Variants in NBAS observed in about 807,000 individuals in gnomAD.
The protein encoded by NBAS is NBAS subunit of NRZ tethering complex, also known as NAG/BC035112 fusion.
Under a neutral mutation model 302.5 loss-of-function variants are expected in NBAS, and 219 were observed. The ratio of observed to expected loss-of-function variants is 0.72; its 90% confidence interval spans 0.65 to 0.81. The LOEUF (loss-of-function observed/expected upper bound fraction) is 0.81, where lower values mean the gene tolerates loss of function less well. Ranked by LOEUF, NBAS falls within the 30% of genes least tolerant of loss-of-function variation. The pLI, the probability that NBAS is intolerant of heterozygous loss-of-function variation, is 0.00. For missense variants in NBAS, 2,932 were observed against 2,841.6 expected (o/e 1.03, Z -0.72); for synonymous variants, 1,118 against 1,021.6 (o/e 1.09, Z -1.80).
chr2:15,292,559 C>A lies in NBAS; in HGVS notation c.5005G>T (p.Glu1669Ter). The A allele has an allele frequency of 6.2e-7, 1 of 1,614,186 alleles. No individual in the cohort carries two copies. ...TACTCTGCCAGACCAAGGATAGTTT[C>A]CCTTTTATACTGGTCATCTGCAGTA... is the stretch of plus-strand genomic sequence containing the variant. ...RFTADDQYKR[E>*]TILGLAETLE... is the part of the protein sequence containing the mutation. Residue 1669 changes from glutamate to a stop codon, truncating the protein, a stop_gained, in exon 41 of 52, where the codon GAA (glutamate) becomes TAA (stop). Coordinates refer to ENST00000281513, the MANE Select transcript of NBAS (RefSeq NM_015909.4). LOFTEE classifies it high-confidence loss of function.
At chr2:15,255,349 C>T (rs1572536082) in intron 44 of NBAS, among the ~76,000 whole-genome samples, 1 of 151,948 alleles carries the variant, frequency 6.6e-6, no homozygotes, top group South Asian at 2.1e-4. Context: ...GTTTTTTGGC[C>T]ACTGGTGTAT....
chr2:15,506,775 AC>A (rs759273485), intron 10 of NBAS, among the ~76,000 whole-genome samples: 54 of 152,308 alleles, frequency 3.5e-4, no homozygotes, highest in African/African-American at 1.1e-3. Flanking sequence ...TATGTATGTG[AC>A]AATGCAGAAA....
At chr2:15,431,390 C>T (rs1402573904) in intron 21 of NBAS, among the ~76,000 whole-genome samples, 1 of 152,006 alleles carries the variant, frequency 6.6e-6, no homozygotes, top group Non-Finnish European at 1.5e-5. Flanking sequence ...ATAAAATCAC[C>T]GTAAGTTCTT....
At chr2:15,411,046 C>T (rs1209502563) in intron 25 of NBAS, among the ~76,000 whole-genome samples, 1 of 152,132 alleles carries the variant, frequency 6.6e-6, no homozygotes, top group Non-Finnish European at 1.5e-5. Context: ...GCTTCCTCCT[C>T]CTGTTCTTTT....
At chr2:14,835,758 G>T in the NBAS span, among the ~76,000 whole-genome samples, 1 of 151,886 alleles carries the variant, frequency 6.6e-6, no homozygotes, top group Admixed American at 6.6e-5. Context: ...CAAGTTTGGG[G>T]CCATTATGAA....
rs1436158591 is a variant in NBAS at position 15,275,790 on chromosome 2, T to A, written c.5418A>T (p.Glu1806Asp). The A allele has an allele frequency of 6.2e-7, 1 of 1,613,836 alleles. No homozygotes were observed. Among genetic ancestry groups the A allele is most frequent in the African/African-American group, 1.3e-5 (1 of 74,924 alleles). ...SGLNYKKLTDENMSPLEALEP... is the reference protein window; with the variant it reads ...SGLNYKKLTDDNMSPLEALEP... ...CCAATGCTTCAAGAGGACTCATGTT[T>A]TCATCTGTCAGCTTTTTGTAATTAA... is the stretch of plus-strand genomic sequence containing the variant. The change falls in exon 44 of 52, where the codon GAA becomes GAT. Residue 1806 changes from glutamate to aspartate, a missense_variant. Glu to Asp is a conservative substitution (Grantham distance 45). Coordinates refer to ENST00000281513, the MANE Select transcript of NBAS (RefSeq NM_015909.4).
At chr2:15,408,210 T>C (rs1676513829) in intron 25 of NBAS, among the ~76,000 whole-genome samples, 1 of 152,190 alleles carries the variant, frequency 6.6e-6, no homozygotes, top group Admixed American at 6.5e-5. Context: ...CCACATGTGC[T>C]ATACTTCAGA....
At chr2:15,160,844 C>G in the NBAS span, among the ~76,000 whole-genome samples, 4 of 152,188 alleles carry the variant, frequency 2.6e-5, no homozygotes, top group Admixed American at 6.5e-5. Flanking sequence ...TTTTTCTAAA[C>G]AGGAACATCC....
chr2:15,353,717 A>C lies in NBAS; in HGVS notation c.3932-7T>G, dbSNP rs759080835. On this transcript the variant is annotated splice_region_variant and splice_polypyrimidine_tract_variant and intron_variant, in intron 33 of 51. Coordinates refer to ENST00000281513, the MANE Select transcript of NBAS (RefSeq NM_015909.4). ...TCCCAACTTTTAGGATAACCTGCAA[A>C]ATTGGCAAGGAAAAAAATGATTCCC... 2 of 1,613,988 alleles carry C rather than the reference A, an allele frequency of 1.2e-6. No homozygotes were observed. The highest frequency in any genetic ancestry group is 2.2e-5 in the South Asian group (2 of 91,080).
At position 15,234,559 on chromosome 2, in the gene NBAS, T is replaced by C; in HGVS notation, c.6132A>G (p.Ile2044Met). ...TTCTAGCTTACCTCAATGCAGAAAT[T>C]ATTTTCATGATTGCACTCTGCACTA... ...KDIVQSAIMK[I>M]ISALSGGSAD... The change falls in exon 46 of 52, where the codon ATA (isoleucine) becomes ATG (methionine). Residue 2044 changes from isoleucine to methionine, a missense_variant. Ile to Met is a conservative substitution (Grantham distance 10). Coordinates refer to ENST00000281513, the MANE Select transcript of NBAS (RefSeq NM_015909.4). The C allele has an allele frequency of 2.5e-6, 4 of 1,613,978 alleles. No homozygotes were observed. The highest frequency in any genetic ancestry group is 3.4e-6 in the Non-Finnish European group (4 of 1,179,976).
intron 35 of NBAS, among the ~76,000 whole-genome samples, chr2:15,344,962 C>T (rs566324249): frequency 4.6e-5 from 7 of 152,196 alleles, no homozygotes; most frequent in African/African-American, 1.7e-4. Context: ...AATTCAACAT[C>T]CCTTCATGTT....
chr2:15,554,196 A>G, intron 3 of NBAS, 58 bp from the exon 4 acceptor site: 1 of 1,316,770 alleles, frequency 7.6e-7, no homozygotes, highest in Non-Finnish European at 1.1e-6. Context: ...ACATATATGC[A>G]GACAAATAGC....
At chr2:15,292,981 A>C (rs542404898) in intron 40 of NBAS, among the ~76,000 whole-genome samples, 4 of 152,294 alleles carry the variant, frequency 2.6e-5, no homozygotes, top group Non-Finnish European at 4.4e-5. Flanking sequence ...AACTAGGCCC[A>C]AAAACAGCTT....
At chr2:15,522,070 T>C (rs915890817) in intron 9 of NBAS, among the ~76,000 whole-genome samples, 6 of 152,188 alleles carry the variant, frequency 3.9e-5, no homozygotes, top group Admixed American at 6.5e-5. Context: ...TTAATACTAA[T>C]CTAAGAAGTT....
At chr2:15,401,360 T>C (rs2148427569) in intron 26 of NBAS, among the ~76,000 whole-genome samples, 1 of 151,462 alleles carries the variant, frequency 6.6e-6, no homozygotes, top group East Asian at 1.9e-4. Context: ...AATAAAAATG[T>C]CCTTAAAAGA....
At chr2:15,379,078 G>A (rs1674896781) in intron 30 of NBAS, among the ~76,000 whole-genome samples, 1 of 152,078 alleles carries the variant, frequency 6.6e-6, no homozygotes, top group African/African-American at 2.4e-5. Context: ...AATAAGAGGG[G>A]TGAGCTAAAA....
intron 46 of NBAS, among the ~76,000 whole-genome samples, chr2:15,232,874 A>C (rs549275580): frequency 6.7e-6 from 1 of 148,488 alleles, no homozygotes; most frequent in African/African-American, 2.5e-5. Flanking sequence ...TTTTTTTTTT[A>C]AAAGCACTAA....
chr2:15,008,141 C>A, the NBAS span, among the ~76,000 whole-genome samples: 1 of 152,166 alleles, frequency 6.6e-6, no homozygotes, highest in African/African-American at 2.4e-5. Context: ...CAATGACAAC[C>A]CACAGAGGTA....
the NBAS span, among the ~76,000 whole-genome samples, chr2:14,877,401 G>A: frequency 6.6e-6 from 1 of 152,146 alleles, no homozygotes; most frequent in Admixed American, 6.5e-5. Context: ...GCTATCTGCA[G>A]ATCTTTTGTT....
Sources: gnomAD v4.1 joint callset for allele counts (sites outside exome capture counted in the v4.1 genomes callset) on GRCh38, gnomAD v4.1.1 for gene constraint, MANE v1.5 for transcripts, NCBI Gene and HGNC (gene_info 2026-07-23, HGNC 2026-07-21) for gene names.